The following EPB41L1 variants were observed in gnomAD, a reference collection of about 807,000 sequenced individuals.
EPB41L1 encodes band 4.1-like protein 1.
EPB41L1 carries 29 observed loss-of-function variants against 97.8 expected under a neutral mutation model. That is an observed-to-expected ratio of 0.30 (90% confidence interval 0.22 to 0.40). The LOEUF (loss-of-function observed/expected upper bound fraction) is 0.40. Among genes scored for constraint, EPB41L1 ranks in the 10% least tolerant of loss-of-function variants. The pLI is 1.00. For missense variants in EPB41L1, 812 were observed against 1,162.3 expected (o/e 0.70, Z 4.38); for synonymous variants, 383 against 459.2 (o/e 0.83, Z 2.12).
chr20:36,217,009 T>C (rs528189788), intron 17 of EPB41L1, among the ~76,000 whole-genome samples: 15 of 152,300 alleles, frequency 9.8e-5, no homozygotes, highest in East Asian at 1.9e-4. Flanking sequence ...CTTAGACCTA[T>C]TGACTCGGAA....
chr20:36,137,076 C>CTTT (rs35231525), intron 2 of EPB41L1, among the ~76,000 whole-genome samples: 7 of 132,896 alleles, frequency 5.3e-5, no homozygotes, highest in African/African-American at 1.4e-4. Context: ...CTTTCCTTTC[C>CTTT]TTTTTTTTTT....
At chr20:36,145,035 C>T (rs910002370) in intron 2 of EPB41L1, among the ~76,000 whole-genome samples, 7 of 152,068 alleles carry the variant, frequency 4.6e-5, no homozygotes, top group African/African-American at 9.7e-5. Flanking sequence ...CTCCAGTGTG[C>T]GTTAGAATCA....
chr20:36,154,713 AGCC>A (rs1008384492), upstream of EPB41L1: 62 of 982,036 alleles, frequency 6.3e-5, no homozygotes, highest in East Asian at 2.3e-4. This position sits in a 1 kb window ranked among gnomAD's most constrained non-coding sequence, Gnocchi z 5.5. Context: ...GCGCACGCCG[AGCC>A]GCCGCCGCCG....
chr20:36,154,281 C>A (rs2145473680), upstream of EPB41L1, among the ~76,000 whole-genome samples: 1 of 152,290 alleles, frequency 6.6e-6, no homozygotes, highest in South Asian at 2.1e-4. The surrounding 1 kb of genome is among the most constrained non-coding windows in gnomAD (Gnocchi z 5.5). Context: ...GTCACCCCTT[C>A]TGAGTCAGGC....
intron 5 of EPB41L1, among the ~76,000 whole-genome samples, 169 bp downstream of exon 5, chr20:36,178,841 G>A (rs1184861153): frequency 1.3e-5 from 2 of 152,048 alleles, no homozygotes; most frequent in Non-Finnish European, 2.9e-5. Flanking sequence ...TGGATCACTT[G>A]AGGTCAGGAG....
At chr20:36,156,782 G>C (rs986049201) in intron 1 of EPB41L1, among the ~76,000 whole-genome samples, 2 of 152,194 alleles carry the variant, frequency 1.3e-5, no homozygotes, top group Non-Finnish European at 2.9e-5. Flanking sequence ...ATAGAGCTGA[G>C]AGGATGCCAG....
Position 36,210,366 on chromosome 20 carries a change from G to A in EPB41L1, c.2079+468G>A, listed in dbSNP as rs570304492. 7.1e-4 allele frequency among the ~76,000 whole-genome samples: 108 copies of A among 152,164 alleles called. 1 individual carries two copies. The highest frequency in any genetic ancestry group is 1.4e-3 in the Non-Finnish European group (94 of 67,992). On this transcript the variant is annotated intron_variant, in intron 15 of 21. Transcript: ENST00000338074. ...GCCCTGGGGTCTCAGGGTGGTAATG[G>A]AAGCTCCTGGAAGAGAGGAAATGTG...
At chr20:36,167,078 C>CA (rs1335147133) in intron 1 of EPB41L1, among the ~76,000 whole-genome samples, 3 of 151,844 alleles carry the variant, frequency 2.0e-5, no homozygotes, top group Non-Finnish European at 2.9e-5. Context: ...ATGCTGTAAC[C>CA]AAAAAAACAG....
intron 14 of EPB41L1, chr20:36,205,780 G>C (rs577473513): frequency 8.1e-7 from 1 of 1,228,604 alleles, no homozygotes; most frequent in African/African-American, 1.6e-5. Context: ...CTTACAAAGG[G>C]AAAAACTCAC....
intron 1 of EPB41L1, among the ~76,000 whole-genome samples, chr20:36,108,551 G>A (rs2147562552): frequency 6.6e-6 from 1 of 152,054 alleles, no homozygotes; most frequent in Admixed American, 6.5e-5. Flanking sequence ...GTGCGCACCT[G>A]TAACCCCAGC....
chr20:36,095,798 C>T (rs2057810596), intron 1 of EPB41L1, among the ~76,000 whole-genome samples: 1 of 152,100 alleles, frequency 6.6e-6, no homozygotes, highest in African/African-American at 2.4e-5. Context: ...AATCCCAGCA[C>T]TTTGGGAGGC....
chr20:36,204,011 C>T (rs527725686), intron 14 of EPB41L1, among the ~76,000 whole-genome samples: 1 of 152,196 alleles, frequency 6.6e-6, no homozygotes, highest in African/African-American at 2.4e-5. Context: ...CTTCCCCCTC[C>T]TGCTGCCAGG....
At chr20:36,121,074 G>GAAGA (rs1555833063) in intron 2 of EPB41L1, among the ~76,000 whole-genome samples, 5 of 141,802 alleles carry the variant, frequency 3.5e-5, no homozygotes, top group Admixed American at 7.1e-5. Flanking sequence ...TGTCTGACAT[G>GAAGA]AAAAAAAAAA....
At chr20:36,152,760 G>A, upstream of EPB41L1, 1 of 338,934 alleles carries the variant, frequency 3.0e-6, no homozygotes. Flanking sequence ...ACCTTGTGTG[G>A]CAAAGTGACT....
intron 1 of EPB41L1, among the ~76,000 whole-genome samples, chr20:36,158,636 G>T (rs1024231761): frequency 6.6e-6 from 1 of 152,170 alleles, no homozygotes; most frequent in Non-Finnish European, 1.5e-5. Context: ...TCCACCAGAC[G>T]TAGGCTATAG....
chr20:36,207,387 C>G lies in EPB41L1; in HGVS notation c.1669-2101C>G. On this transcript the variant is annotated intron_variant, in intron 14 of 21. Coordinates refer to ENST00000338074, the MANE Select transcript of EPB41L1 (RefSeq NM_012156.2). The surrounding 1 kb of genome is among the most constrained non-coding windows in gnomAD (Gnocchi z 4.9). ...CTTCAGGGAAGCGAAGGGAGATGAC[C>G]TCTTTCCAGGCTGGGGACCAAGAGG... is the stretch of plus-strand genomic sequence containing the variant. 7.8e-7 allele frequency: 1 copy of G among 1,289,590 alleles called. No homozygotes were observed. Among genetic ancestry groups the G allele is most frequent in the African/African-American group, 1.5e-5 (1 of 65,972 alleles). The allele number at this position is 1,289,590 out of a possible 1,614,324, so 79.9% of individuals were successfully genotyped here.
chr20:36,190,710 C>A lies in EPB41L1; in HGVS notation c.1213C>A (p.Gln405Lys). Reference sequence around the variant, plus strand: ...TGGGAGGACCCAGGCACAGACTCGCCAGGCCAGCGCCCTCATTGACCGGCC... The same window carrying A: ...TGGGAGGACCCAGGCACAGACTCGCAAGGCCAGCGCCCTCATTGACCGGCC... ...YSGRTQAQTR[Q>K]ASALIDRPAP... The change falls in exon 11 of 22, where the codon CAG becomes AAG. Residue 405 changes from glutamine (Q) to lysine (K), a missense_variant. By Grantham distance (53) the Gln-to-Lys change is moderately conservative. Around this residue, in one of 3 missense-constraint regions of EPB41L1, gnomAD observed 230 missense variants for 445.2 expected, o/e 0.52. Transcript: ENST00000338074. The surrounding 1 kb of genome is among the most constrained non-coding windows in gnomAD (Gnocchi z 5.8). The A allele has an allele frequency of 2.5e-6, 4 of 1,614,152 alleles. No homozygotes were observed. Among genetic ancestry groups the A allele is most frequent in the Non-Finnish European group, 2.5e-6 (3 of 1,180,020 alleles).
At chr20:36,122,151 T>C (rs1440272551) in intron 2 of EPB41L1, among the ~76,000 whole-genome samples, 2 of 152,138 alleles carry the variant, frequency 1.3e-5, no homozygotes, top group Non-Finnish European at 2.9e-5. Context: ...CCCGATGCTA[T>C]GGTTGTGGGG....
At chr20:36,203,172 C>G (rs1251666024) in intron 14 of EPB41L1, among the ~76,000 whole-genome samples, 2 of 152,252 alleles carry the variant, frequency 1.3e-5, no homozygotes, top group Non-Finnish European at 2.9e-5. Flanking sequence ...GTGGCTCTAC[C>G]CGTGCCTTCG....
Sources: gnomAD v4.1 joint callset for allele counts (sites outside exome capture counted in the v4.1 genomes callset) on GRCh38, gnomAD v4.1.1 for gene constraint, gnomAD v4.1.1 regional missense constraint, Gnocchi (gnomAD v3.1) non-coding constraint, MANE v1.5 for transcripts, NCBI Gene and HGNC (gene_info 2026-07-23, HGNC 2026-07-21) for gene names.